NELL1: variants seen among roughly 807,000 people sequenced by gnomAD.
NELL1 encodes protein kinase C-binding protein NELL1.
In NELL1, 76 loss-of-function variants were observed where a neutral mutation model predicts 107.4. The observed-to-expected ratio is 0.71, with a 90% confidence interval of 0.59 to 0.86. The LOEUF (loss-of-function observed/expected upper bound fraction) is 0.86, where lower values mean the gene tolerates loss of function less well. Among genes scored for constraint, NELL1 ranks in the 40% least tolerant of loss-of-function variants. NELL1 has a pLI of 0.00. For synonymous variants in NELL1, 353 were observed against 341.2 expected (o/e 1.03, Z -0.38); for missense variants, 1,024 against 1,005.5 (o/e 1.02, Z -0.25).
chr11:21,122,606 T>C (rs1214284206), intron 13 of NELL1, among the ~76,000 whole-genome samples: 1 of 152,182 alleles, frequency 6.6e-6, no homozygotes. Flanking sequence ...ATGAAAGCTA[T>C]AAATTCTCAT....
chr11:21,156,876 T>C (rs1203382691), intron 13 of NELL1, among the ~76,000 whole-genome samples: 1 of 151,040 alleles, frequency 6.6e-6, no homozygotes, highest in African/African-American at 2.4e-5. Flanking sequence ...GTGGATCACT[T>C]GAGGCAAGGA....
At chr11:21,324,832 T>C in intron 14 of NELL1, among the ~76,000 whole-genome samples, 1 of 152,056 alleles carries the variant, frequency 6.6e-6, no homozygotes, top group East Asian at 1.9e-4. Flanking sequence ...ACTGATGTTA[T>C]AGAGTAAGGT....
chr11:20,990,392 G>T (rs966107502), intron 12 of NELL1, among the ~76,000 whole-genome samples: 1 of 152,154 alleles, frequency 6.6e-6, no homozygotes. Context: ...GTGGCTCAAG[G>T]CTAGTTACCT....
intron 15 of NELL1, among the ~76,000 whole-genome samples, chr11:21,380,296 C>G (rs1352566375): frequency 2.0e-5 from 3 of 151,952 alleles, no homozygotes; most frequent in Non-Finnish European, 2.9e-5. Flanking sequence ...TTTAGTTAAA[C>G]CCACTAGTAA....
intron 2 of NELL1, among the ~76,000 whole-genome samples, chr11:20,748,744 C>T (rs1417407666): frequency 6.6e-5 from 10 of 152,082 alleles, no homozygotes; most frequent in African/African-American, 2.4e-4. Flanking sequence ...TTATTTTGTT[C>T]TTTTTATGGC....
intron 9 of NELL1, among the ~76,000 whole-genome samples, chr11:20,932,964 G>T (rs1176194618): frequency 1.3e-5 from 2 of 152,260 alleles, no homozygotes; most frequent in African/African-American, 4.8e-5. Context: ...GCGGGGTATT[G>T]ACAAATGAAG....
At chr11:21,347,302 A>G (rs565487913) in intron 14 of NELL1, among the ~76,000 whole-genome samples, 2 of 152,250 alleles carry the variant, frequency 1.3e-5, no homozygotes, top group Admixed American at 6.5e-5. Flanking sequence ...GGCTTGTTTG[A>G]AGAATAAAAT....
chr11:21,238,062 A>G (rs1858255609), intron 14 of NELL1, among the ~76,000 whole-genome samples: 1 of 152,036 alleles, frequency 6.6e-6, no homozygotes, highest in African/African-American at 2.4e-5. Flanking sequence ...ACCTAGCACA[A>G]CCAAACAGGA....
chr11:20,807,892 C>T (rs1857419166), intron 3 of NELL1, among the ~76,000 whole-genome samples: 1 of 152,142 alleles, frequency 6.6e-6, no homozygotes, highest in Non-Finnish European at 1.5e-5. Flanking sequence ...CCCAAAGTCT[C>T]TTCAGTCAGC....
chr11:21,483,465 G>C (rs1854542469), intron 15 of NELL1, among the ~76,000 whole-genome samples: 1 of 152,108 alleles, frequency 6.6e-6, no homozygotes, highest in Non-Finnish European at 1.5e-5. Flanking sequence ...TGTAGGTCTA[G>C]ATCTCCCAAA....
intron 15 of NELL1, among the ~76,000 whole-genome samples, chr11:21,522,833 TC>T (rs1855761472): frequency 7.5e-5 from 10 of 132,618 alleles, no homozygotes; most frequent in African/African-American, 2.4e-4. Context: ...TTTTTTCTTT[TC>T]TTTTTTTTTT....
At chr11:20,765,652 G>A (rs1420478239) in intron 2 of NELL1, among the ~76,000 whole-genome samples, 1 of 152,130 alleles carries the variant, frequency 6.6e-6, no homozygotes, top group Non-Finnish European at 1.5e-5. Context: ...GAAGGAGCTT[G>A]TGTATTAGTT....
At chr11:21,051,700 C>T (rs1853497083) in intron 12 of NELL1, among the ~76,000 whole-genome samples, 1 of 152,050 alleles carries the variant, frequency 6.6e-6, no homozygotes, top group East Asian at 1.9e-4. Flanking sequence ...AGGAAGTGAT[C>T]TTCACTGCAT....
chr11:21,279,634 C>T lies in NELL1; in HGVS notation c.1549+50180C>T, dbSNP rs1848946669. ...TCAAAAGGTTATGAAGCACCAGGAA[C>T]TCTACCATCACTTTGGAAAAAAGCA... On this transcript the variant is annotated intron_variant, in intron 14 of 19. Coordinates refer to ENST00000357134, the MANE Select transcript of NELL1 (RefSeq NM_006157.5). Among the ~76,000 whole-genome samples, 4 of 152,320 alleles carry T rather than the reference C, an allele frequency of 2.6e-5. No homozygotes were observed. In the South Asian group the frequency reaches 8.3e-4, roughly 32 times the overall value.
chr11:21,159,008 G>A (rs1333093453), intron 13 of NELL1, among the ~76,000 whole-genome samples: 2 of 152,034 alleles, frequency 1.3e-5, no homozygotes, highest in African/African-American at 2.4e-5. Context: ...TAATGCTGCC[G>A]ATCTGCTTTT....
chr11:21,109,219 A>T (rs1250779044), intron 12 of NELL1, among the ~76,000 whole-genome samples: 1 of 152,090 alleles, frequency 6.6e-6, no homozygotes, highest in Non-Finnish European at 1.5e-5. Flanking sequence ...AAAAAACAGC[A>T]TCTATTTTTT....
In NELL1 at chr11:21,570,783, G is replaced by A. The variant is rs202048383; in HGVS notation, c.2000G>A (p.Arg667Gln). ...AAACAGGATGGCAAGATATTCTGCC[G>A]ACGGACAGCTTGTGATTGCCAGAAT... The part of the protein sequence containing the change: ...CSCKDGKIFC[R>Q]RTACDCQNPS... Residue 667 changes from arginine to glutamine, a missense_variant, in exon 18 of 20, where the codon CGA becomes CAA. Physicochemically the swap from Arg to Gln is conservative, Grantham distance 43 (BLOSUM62 1). Transcript: ENST00000357134. 156 of 1,611,400 alleles carry A rather than the reference G, an allele frequency of 9.7e-5. 1 individual carries two copies. The East Asian group carries it at 1.8e-3, about 19-fold the overall frequency.
In NELL1 at chr11:21,359,609, G is replaced by A. The variant is rs569904084; in HGVS notation, c.1550-11244G>A. Reference sequence around the variant, plus strand: ...TTCTTTCAATGTCTAATAGAAGTCAGCTGTGAATCCATCTGGTCCTGGACT... The same window carrying A: ...TTCTTTCAATGTCTAATAGAAGTCAACTGTGAATCCATCTGGTCCTGGACT... On this transcript the variant is annotated intron_variant, in intron 14 of 19. Coordinates refer to ENST00000357134, the MANE Select transcript of NELL1 (RefSeq NM_006157.5). 3.9e-5 allele frequency among the ~76,000 whole-genome samples: 6 copies of A among 152,256 alleles called. No individual in the cohort carries two copies. In the South Asian group the frequency reaches 1.2e-3, roughly 32 times the overall value.
intron 4 of NELL1, among the ~76,000 whole-genome samples, chr11:20,861,031 C>T (rs945070061): frequency 1.3e-5 from 2 of 152,128 alleles, no homozygotes; most frequent in Non-Finnish European, 2.9e-5. Context: ...TTAGACTAAC[C>T]TCTTTGGGCA....
Sources: gnomAD v4.1 joint callset for allele counts (sites outside exome capture counted in the v4.1 genomes callset) on GRCh38, gnomAD v4.1.1 for gene constraint, MANE v1.5 for transcripts, NCBI Gene and HGNC (gene_info 2026-07-23, HGNC 2026-07-21) for gene names.